Variants in COLGALT2 observed in about 807,000 individuals in gnomAD.
COLGALT2 encodes the protein procollagen galactosyltransferase 2.
A neutral mutation model predicts 73.4 loss-of-function variants in COLGALT2; 49 were observed. That is an observed-to-expected ratio of 0.67 (90% CI 0.53 to 0.85). The LOEUF (loss-of-function observed/expected upper bound fraction) is 0.85. Among genes scored for constraint, COLGALT2 ranks in the 40% least tolerant of loss-of-function variants. The pLI is 0.00. For missense variants in COLGALT2, 722 were observed against 790.2 expected (o/e 0.91, Z 1.03); for synonymous variants, 295 against 307.6 (o/e 0.96, Z 0.43).
chr1:183,948,353 T>C (rs1670302957), intron 8 of COLGALT2, among the ~76,000 whole-genome samples: 2 of 152,278 alleles, frequency 1.3e-5, no homozygotes, highest in South Asian at 4.1e-4. Context: ...AATCCAGCAA[T>C]TTATAAAAGG....
intron 9 of COLGALT2, among the ~76,000 whole-genome samples, chr1:183,944,691 G>A (rs529538442): frequency 1.3e-5 from 2 of 152,114 alleles, no homozygotes; most frequent in Non-Finnish European, 2.9e-5. Context: ...ACGGGGTGGG[G>A]GGGTGCTTGT....
intron 1 of COLGALT2, among the ~76,000 whole-genome samples, chr1:184,005,171 T>C (rs1319688595): frequency 6.6e-6 from 1 of 151,958 alleles, no homozygotes; most frequent in Non-Finnish European, 1.5e-5. Flanking sequence ...AGTCAACATC[T>C]GTGGAAAGAA....
intron 1 of COLGALT2, among the ~76,000 whole-genome samples, chr1:184,008,792 A>C (rs1672158990): frequency 6.6e-6 from 1 of 152,194 alleles, no homozygotes; most frequent in Non-Finnish European, 1.5e-5. Context: ...AGATATGTAA[A>C]AGAAAATATT....
chr1:183,965,195 TG>T (rs1438977007), intron 5 of COLGALT2, among the ~76,000 whole-genome samples: 3 of 152,326 alleles, frequency 2.0e-5, no homozygotes, highest in South Asian at 2.1e-4. Context: ...TGAATGCTTC[TG>T]GGGAGCTTCA....
intron 1 of COLGALT2, among the ~76,000 whole-genome samples, chr1:184,011,560 T>C (rs532718988): frequency 9.8e-5 from 15 of 152,306 alleles, no homozygotes; most frequent in African/African-American, 3.4e-4. Context: ...AGCCAGACAG[T>C]AGGTGCAAAC....
intron 1 of COLGALT2, among the ~76,000 whole-genome samples, chr1:183,979,513 T>C (rs544627884): frequency 3.3e-5 from 5 of 152,238 alleles, no homozygotes; most frequent in Admixed American, 3.3e-4. Flanking sequence ...AAGCGATAGA[T>C]AGTAAACATT....
downstream of COLGALT2, among the ~76,000 whole-genome samples, chr1:183,931,854 C>A (rs1669853451): frequency 1.4e-5 from 2 of 138,048 alleles, no homozygotes; most frequent in African/African-American, 2.7e-5. Context: ...TGAATTGTTC[C>A]TGCCATAAAA....
chr1:184,014,044 C>T (rs1291322919), intron 1 of COLGALT2, among the ~76,000 whole-genome samples: 1 of 152,068 alleles, frequency 6.6e-6, no homozygotes, highest in African/African-American at 2.4e-5. Flanking sequence ...ATCTCTGGAC[C>T]ATTCACATGA....
At chr1:183,930,388 AT>A (rs537384158) in intron 11 of COLGALT2, 9 of 419,548 alleles carry the variant, frequency 2.1e-5, no homozygotes, top group Non-Finnish European at 3.8e-5. Flanking sequence ...CCTTGATCTT[AT>A]TTTTTAATTT....
chr1:183,988,115 CA>C (rs770988721), intron 1 of COLGALT2, among the ~76,000 whole-genome samples: 15 of 152,188 alleles, frequency 9.9e-5, no homozygotes, highest in Non-Finnish European at 2.1e-4. Flanking sequence ...GCTGCTTTCA[CA>C]AAACAGAAAA....
In COLGALT2 at chr1:183,944,184, C is replaced by A; in HGVS notation, c.1397+12G>T. ...TCTCAGAGCCCTCTCGTAAGATCAT[C>A]TTGTCACTCACATCAGTTCCCAGTC... On this transcript the variant is annotated intron_variant, in intron 10 of 11. Coordinates refer to ENST00000361927, the MANE Select transcript of COLGALT2 (RefSeq NM_015101.4). 3 of 1,606,424 alleles carry A rather than the reference C, an allele frequency of 1.9e-6. No homozygotes were observed. Among genetic ancestry groups the A allele is most frequent in the Non-Finnish European group, 2.5e-6 (3 of 1,177,174 alleles).
chr1:183,931,160 A>C (rs894940488), downstream of COLGALT2, among the ~76,000 whole-genome samples: 15 of 152,016 alleles, frequency 9.9e-5, no homozygotes, highest in Non-Finnish European at 2.1e-4. Flanking sequence ...TGGATCATCA[A>C]ACCCCACTCT....
chr1:184,034,179 A>T (rs114724595), intron 1 of COLGALT2, among the ~76,000 whole-genome samples: 2,374 of 152,114 alleles, frequency 0.016, 57 homozygotes, highest in African/African-American at 0.054. Context: ...TTCCAAAGAG[A>T]TTCTATGGTA....
chr1:184,029,097 A>T (rs1649422648), intron 1 of COLGALT2, among the ~76,000 whole-genome samples: 1 of 152,250 alleles, frequency 6.6e-6, no homozygotes, highest in Non-Finnish European at 1.5e-5. Context: ...GGTTTAATTC[A>T]TGCAAGAGAC....
chr1:183,979,619 T>C (rs1234544125), intron 1 of COLGALT2, among the ~76,000 whole-genome samples: 1 of 152,118 alleles, frequency 6.6e-6, no homozygotes, highest in Non-Finnish European at 1.5e-5. Context: ...GAATGAGCAT[T>C]GCTGTGTTCC....
intron 7 of COLGALT2, among the ~76,000 whole-genome samples, chr1:183,953,958 C>T (rs961366304): frequency 6.6e-6 from 1 of 152,174 alleles, no homozygotes; most frequent in Non-Finnish European, 1.5e-5. Context: ...GCACCAAGCT[C>T]GAAGCCTGAT....
chr1:184,000,210 G>A (rs540324401), intron 1 of COLGALT2, among the ~76,000 whole-genome samples: 40 of 152,068 alleles, frequency 2.6e-4, no homozygotes, highest in African/African-American at 8.7e-4. Context: ...TTTCAGTCTC[G>A]TTTTTTGGCC....
intron 8 of COLGALT2, among the ~76,000 whole-genome samples, chr1:183,947,030 CA>C (rs887251595): frequency 2.8e-4 from 40 of 143,522 alleles, no homozygotes; most frequent in South Asian, 6.6e-4. Flanking sequence ...GACTCCATCT[CA>C]AAAAAAAAAG....
At chr1:183,984,580 G>C (rs909222989) in intron 1 of COLGALT2, among the ~76,000 whole-genome samples, 6 of 152,184 alleles carry the variant, frequency 3.9e-5, no homozygotes, top group Non-Finnish European at 5.9e-5. Context: ...GTGGCCCTGA[G>C]ACAGCTTCAG....
Sources: gnomAD v4.1 joint callset for allele counts (sites outside exome capture counted in the v4.1 genomes callset) on GRCh38, gnomAD v4.1.1 for gene constraint, MANE v1.5 for transcripts, NCBI Gene and HGNC (gene_info 2026-07-23, HGNC 2026-07-21) for gene names.